Variants in DRG1 observed in about 807,000 individuals in gnomAD.
DRG1 encodes developmentally-regulated GTP-binding protein 1.
A neutral mutation model predicts 38.8 loss-of-function variants in DRG1; 19 were observed. The ratio of observed to expected loss-of-function variants is 0.49; its 90% CI spans 0.34 to 0.72. DRG1 has a LOEUF of 0.72. Ranked by LOEUF, DRG1 falls within the 30% of genes least tolerant of loss-of-function variation. The pLI is 0.01. For synonymous variants in DRG1, 167 were observed against 157.5 expected, an observed-to-expected ratio of 1.06 and a Z score of -0.45; for missense variants, 299 against 444.8, an observed-to-expected ratio of 0.67 and a Z score of 2.95.
chr22:31,417,775 G>C (rs2050052949), intron 4 of DRG1, among the ~76,000 whole-genome samples: 2 of 151,950 alleles, frequency 1.3e-5, no homozygotes, highest in South Asian at 2.1e-4. Flanking sequence ...CGGATCACCT[G>C]AGGTTGAAAG....
intron 1 of DRG1, 69 bp downstream of exon 1, chr22:31,399,794 G>T (rs1038202467): frequency 6.2e-7 from 1 of 1,610,974 alleles, no homozygotes; most frequent in African/African-American, 1.3e-5. Flanking sequence ...GCTCCTTCCT[G>T]TTCTCCTTTG....
At chr22:31,410,585 C>G (rs769224568) in intron 3 of DRG1, among the ~76,000 whole-genome samples, 3 of 152,030 alleles carry the variant, frequency 2.0e-5, no homozygotes, top group Admixed American at 6.6e-5. Context: ...AGGCTGATGC[C>G]GGTGGATCCC....
intron 4 of DRG1, among the ~76,000 whole-genome samples, chr22:31,417,033 C>A (rs1394994110): frequency 6.6e-6 from 1 of 150,834 alleles, no homozygotes; most frequent in Non-Finnish European, 1.5e-5. Flanking sequence ...CACTGCACTG[C>A]AGCCTGGGCA....
chr22:31,432,116 GC>G (rs556020473), intron 8 of DRG1, among the ~76,000 whole-genome samples: 71 of 149,696 alleles, frequency 4.7e-4, no homozygotes, highest in African/African-American at 1.6e-3. Flanking sequence ...TTCTGTTGCC[GC>G]CCAGGCTGGA....
chr22:31,430,572 T>C (rs922284945), intron 8 of DRG1, among the ~76,000 whole-genome samples: 2 of 151,944 alleles, frequency 1.3e-5, no homozygotes, highest in Non-Finnish European at 2.9e-5. Flanking sequence ...TCTAATTTTT[T>C]ATATTTTTAG....
chr22:31,406,445 A>T (rs1295666588), intron 3 of DRG1, among the ~76,000 whole-genome samples: 1 of 151,936 alleles, frequency 6.6e-6, no homozygotes, highest in Non-Finnish European at 1.5e-5. Context: ...TGAGCTTTTA[A>T]TTCTCTCTCG....
At chr22:31,431,024 C>A (rs1490811716) in intron 8 of DRG1, among the ~76,000 whole-genome samples, 1 of 111,722 alleles carries the variant, frequency 9.0e-6, no homozygotes, top group East Asian at 5.4e-4. Context: ...GGCCTTCCCC[C>A]CCCCCCCCCG....
Position 31,400,660 on chromosome 22 carries a change from T to C in DRG1, c.83T>C (p.Leu28Ser). ...TQKNKATAHH[L>S]GLLKARLAKL... is the part of the protein sequence containing the mutation. ...AAGAACAAGGCCACAGCACACCACT[T>C]AGGGCTGCTTAAGGCTCGTCTTGCT... Residue 28 changes from leucine (L) to serine (S), a missense_variant, in exon 2 of 9, where the codon TTA (leucine) becomes TCA (serine). This residue lies in a region of DRG1 where 51 missense variants were observed against 56.1 expected (regional missense o/e 0.91). Coordinates refer to ENST00000331457, the MANE Select transcript of DRG1 (RefSeq NM_004147.4). 6.2e-7 allele frequency: 1 copy of C among 1,613,396 alleles called. No individual in the cohort carries two copies. Among genetic ancestry groups the C allele is most frequent in the Non-Finnish European group, 8.5e-7 (1 of 1,179,570 alleles).
intron 3 of DRG1, among the ~76,000 whole-genome samples, chr22:31,405,339 T>C (rs1244301338): frequency 6.6e-6 from 1 of 151,980 alleles, no homozygotes; most frequent in Non-Finnish European, 1.5e-5. Flanking sequence ...GGCTAATTTT[T>C]GTATTTTCAG....
rs1205261417 is a variant in DRG1 at position 31,403,258 on chromosome 22, A to C, written c.342+54A>C. ...AAAGAAATCTATTCTTCATTTAGGAAGAAGTTTATTGGGAGCTCACTGTAT... is the reference window on the plus strand; with the variant it reads ...AAAGAAATCTATTCTTCATTTAGGACGAAGTTTATTGGGAGCTCACTGTAT... On this transcript the variant is annotated intron_variant, in intron 3 of 8. Transcript: ENST00000331457. 4 of 1,529,560 alleles carry C rather than the reference A, an allele frequency of 2.6e-6. No individual in the cohort carries two copies. The Admixed American group carries it at 8.7e-5, about 33-fold the overall frequency. The allele number at this position is 1,529,560 out of a possible 1,614,324, so 94.7% of individuals were successfully genotyped here.
chr22:31,428,837 C>G (rs756859507), intron 8 of DRG1, among the ~76,000 whole-genome samples: 1 of 152,060 alleles, frequency 6.6e-6, no homozygotes, highest in African/African-American at 2.4e-5. Flanking sequence ...GTCCAGTGTT[C>G]TCTCATGATT....
In DRG1 at chr22:31,408,622, G is replaced by A. The variant is rs529061815; in HGVS notation, c.343-2390G>A. Among the ~76,000 whole-genome samples the A allele has an allele frequency of 4.6e-5, 7 of 151,808 alleles. No individual in the cohort carries two copies. In the South Asian group the frequency reaches 1.2e-3, roughly 27 times the overall value. On this transcript the variant is annotated intron_variant, in intron 3 of 8. Transcript: ENST00000331457. ...AAAAAAATTGGTGGGGCATGGTGGCGAGCACCTGTAATCCCAGCTGCTCAG... is the reference window on the plus strand; with the variant it reads ...AAAAAAATTGGTGGGGCATGGTGGCAAGCACCTGTAATCCCAGCTGCTCAG...
chr22:31,410,088 C>G (rs2050010309), intron 3 of DRG1, among the ~76,000 whole-genome samples: 1 of 152,150 alleles, frequency 6.6e-6, no homozygotes, highest in Admixed American at 6.6e-5. Flanking sequence ...TTGGACAAGT[C>G]ACTTACCTGC....
chr22:31,426,524 G>A (rs1282035970), intron 6 of DRG1, 91 bp from the exon 7 acceptor site: 14 of 1,161,982 alleles, frequency 1.2e-5, no homozygotes, highest in South Asian at 8.3e-5. Flanking sequence ...GGGAGCGCCA[G>A]TTGGGTCTGG....
intron 8 of DRG1, among the ~76,000 whole-genome samples, chr22:31,430,276 C>T (rs1359899756): frequency 1.3e-5 from 2 of 152,152 alleles, no homozygotes; most frequent in Non-Finnish European, 2.9e-5. Context: ...TGCTTATATA[C>T]ACAACTGTAT....
chr22:31,403,599 A>G (rs537669943), intron 3 of DRG1, among the ~76,000 whole-genome samples: 1 of 151,644 alleles, frequency 6.6e-6, no homozygotes, highest in African/African-American at 2.4e-5. Context: ...CTACTTTTTC[A>G]CCTGAGGGTG....
chr22:31,404,854 C>A (rs981345380), intron 3 of DRG1, among the ~76,000 whole-genome samples: 2 of 151,944 alleles, frequency 1.3e-5, no homozygotes, highest in African/African-American at 4.8e-5. Context: ...GAACTCCTGA[C>A]CTCAAGTGAT....
chr22:31,403,559 C>A (rs2049974055), intron 3 of DRG1, among the ~76,000 whole-genome samples: 1 of 152,104 alleles, frequency 6.6e-6, no homozygotes, highest in Non-Finnish European at 1.5e-5. Context: ...CCCAGCAACT[C>A]GGGAGGCTGA....
At chr22:31,405,918 C>T (rs2049987724) in intron 3 of DRG1, among the ~76,000 whole-genome samples, 2 of 151,806 alleles carry the variant, frequency 1.3e-5, no homozygotes, top group Admixed American at 6.6e-5. Flanking sequence ...GAACTCCTGA[C>T]TTCAGGTGAT....
Sources: allele counts gnomAD v4.1 joint callset (sites outside exome capture counted in the v4.1 genomes callset), GRCh38; gene constraint gnomAD v4.1.1; regional missense constraint gnomAD v4.1.1; transcripts MANE v1.5; gene names NCBI Gene and HGNC (gene_info 2026-07-23, HGNC 2026-07-21).